Variants in ARHGAP20 observed in about 807,000 individuals in gnomAD.
The protein encoded by ARHGAP20 is Rho GTPase activating protein 20, also known as rho GTPase-activating protein 20.
ARHGAP20 carries 34 observed loss-of-function variants against 73.7 expected under a neutral mutation model. The ratio of observed to expected loss-of-function variants is 0.46; its 90% confidence interval spans 0.35 to 0.61. ARHGAP20 has a LOEUF of 0.61. ARHGAP20 is among the 20% of genes least tolerant of loss of function. The pLI, the probability that ARHGAP20 is intolerant of heterozygous loss-of-function variation, is 0.00. For synonymous variants in ARHGAP20, 523 were observed against 518.2 expected, an observed-to-expected ratio of 1.01 and a Z score of -0.13; for missense variants, 1,314 against 1,420.9, an observed-to-expected ratio of 0.92 and a Z score of 1.21.
chr11:110,630,588 C>G, intron 3 of ARHGAP20, 40 bp downstream of exon 3: 1 of 1,576,226 alleles, frequency 6.3e-7, no homozygotes, highest in Non-Finnish European at 8.6e-7. Flanking sequence ...AGTAAAAGTG[C>G]AATTTTATAA....
intron 4 of ARHGAP20, among the ~76,000 whole-genome samples, chr11:110,616,686 C>CTT (rs58360001): frequency 1.9e-3 from 262 of 140,224 alleles, no homozygotes; most frequent in Admixed American, 3.5e-3. Flanking sequence ...ACATTTTTTT[C>CTT]TTTTTTTTTT....
chr11:110,663,667 A>C (rs1949663016), intron 2 of ARHGAP20, among the ~76,000 whole-genome samples: 2 of 152,102 alleles, frequency 1.3e-5, no homozygotes, highest in Non-Finnish European at 1.5e-5. Flanking sequence ...ATTCTACCAA[A>C]TACTAATGAA....
rs768618391 is a variant in ARHGAP20, at chr11:110,630,585, G to A, written c.353+43C>T. 9.4e-5 allele frequency: 147 copies of A among 1,568,682 alleles called. 1 individual carries two copies. In the Middle Eastern group the frequency reaches 1.2e-3, roughly 13 times the overall value. On this transcript the variant is annotated intron_variant, in intron 3 of 14. Coordinates refer to ENST00000683387, the MANE Select transcript of ARHGAP20 (RefSeq NM_001384657.1). ...AGAAAGGGTATCTTTGTTAGTAAAA[G>A]TGCAATTTTATAATGATAATCAGGA... is the stretch of plus-strand genomic sequence containing the variant.
rs544459720 is a variant in ARHGAP20, at chr11:110,583,226, G to A, written c.1605+322C>T. 2.0e-5 allele frequency among the ~76,000 whole-genome samples: 3 copies of A among 152,186 alleles called. No homozygotes were observed. In the South Asian group the frequency reaches 6.2e-4, roughly 31 times the overall value. On this transcript the variant is annotated intron_variant, in intron 13 of 14. Transcript: ENST00000683387. ...TGCCCAAGACTGTACATCTGGCAAG[G>A]GGTGGAGCTGAGAATGGAAGCTTAG...
At chr11:110,651,769 C>G (rs1419538348) in intron 2 of ARHGAP20, among the ~76,000 whole-genome samples, 1 of 151,710 alleles carries the variant, frequency 6.6e-6, no homozygotes, top group Non-Finnish European at 1.5e-5. Flanking sequence ...AAATAAAACC[C>G]CAGGACTAGA....
intron 2 of ARHGAP20, among the ~76,000 whole-genome samples, chr11:110,656,804 A>G (rs1244635436): frequency 6.6e-6 from 1 of 152,178 alleles, no homozygotes; most frequent in African/African-American, 2.4e-5. Flanking sequence ...GGCCCATGGA[A>G]AAGAACCCGC....
chr11:110,619,352 T>G (rs1180521617), intron 4 of ARHGAP20, among the ~76,000 whole-genome samples: 2 of 149,910 alleles, frequency 1.3e-5, no homozygotes, highest in African/African-American at 2.5e-5. Flanking sequence ...TGATAGAGTA[T>G]ATGTAGTGAT....
intron 1 of ARHGAP20, among the ~76,000 whole-genome samples, chr11:110,710,871 G>T (rs1206016708): frequency 1.3e-5 from 2 of 152,314 alleles, no homozygotes; most frequent in Non-Finnish European, 2.9e-5. Flanking sequence ...GACAAGCAGG[G>T]AACCTGCGTA....
chr11:110,583,740 A>G lies in ARHGAP20; in HGVS notation c.1416-3T>C. The G allele has an allele frequency of 6.5e-7, 1 of 1,543,512 alleles. No homozygotes were observed. Among genetic ancestry groups the G allele is most frequent in the South Asian group, 1.2e-5 (1 of 81,368 alleles). On this transcript the variant is annotated splice_region_variant and splice_polypyrimidine_tract_variant and intron_variant, in intron 12 of 14. Coordinates refer to ENST00000683387, the MANE Select transcript of ARHGAP20 (RefSeq NM_001384657.1). The stretch of plus-strand genomic sequence containing the variant: ...CTCTCGGAAGCTGGTCTAATAGCCT[A>G]AAGACAGAAAAATTACTCTTTAAGC...
intron 9 of ARHGAP20, among the ~76,000 whole-genome samples, chr11:110,601,880 T>A (rs976803066): frequency 4.6e-5 from 7 of 151,804 alleles, no homozygotes; most frequent in Admixed American, 3.3e-4. Context: ...ATCCCAGCTA[T>A]TCGGGAGGCT....
chr11:110,685,733 G>A (rs1223237434), intron 2 of ARHGAP20, among the ~76,000 whole-genome samples: 2 of 152,056 alleles, frequency 1.3e-5, no homozygotes, highest in African/African-American at 4.8e-5. Context: ...TAATTACTAA[G>A]TAACAACTAT....
chr11:110,583,621 A>C lies in ARHGAP20; in HGVS notation c.1532T>G (p.Val511Gly). 2 of 1,613,438 alleles carry C rather than the reference A, an allele frequency of 1.2e-6. No individual in the cohort carries two copies. Among genetic ancestry groups the C allele is most frequent in the Non-Finnish European group, 1.7e-6 (2 of 1,179,582 alleles). The part of the protein sequence containing the change: ...SNQMTAFNLA[V>G]CVAPSILWPP... Reference sequence around the variant, plus strand: ...CCAAAGAATACTTGGAGCGACACACACAGCTAAATTAAATGCAGTCATCTG... The same window carrying C: ...CCAAAGAATACTTGGAGCGACACACCCAGCTAAATTAAATGCAGTCATCTG... Residue 511 changes from valine to glycine, a missense_variant, in exon 13 of 15, where the codon GTG becomes GGG. By Grantham distance (109) the Val-to-Gly change is moderately radical (BLOSUM62 -3). Transcript: ENST00000683387.
At position 110,579,424 on chromosome 11, in the gene ARHGAP20, TGA is replaced by T. The variant is rs1189515738; in HGVS notation, c.3520_3521del (p.Ser1174ArgfsTer9). 1.9e-6 allele frequency: 3 copies of T among 1,612,774 alleles called. No individual in the cohort carries two copies. In the Admixed American group the frequency reaches 5.0e-5, roughly 27 times the overall value. Reference protein sequence around the residue: ...WTLEDATSPDSGPTVVCDIED... With the variant: ...WTLEDATSPDXGPTVVCDIED... ...CAATGTCGCAGACCACTGTAGGCCC[TGA>T]GTCTGGGCTGGTCGCATCCTCTAGA... On this transcript the variant is annotated frameshift_variant, in exon 15 of 15. Transcript: ENST00000683387. LOFTEE classifies it high-confidence loss of function.
chr11:110,578,761 G>C lies in ARHGAP20; in HGVS notation c.*609C>G. On this transcript the variant is annotated 3_prime_UTR_variant, in exon 15 of 15. Coordinates refer to ENST00000683387, the MANE Select transcript of ARHGAP20 (RefSeq NM_001384657.1). ...GTACCCATGGCTTTTGAGTCACTCTGTTTTTCTCCACTCTAGCTGTAGCAA... is the reference window on the plus strand; with the variant it reads ...GTACCCATGGCTTTTGAGTCACTCTCTTTTTCTCCACTCTAGCTGTAGCAA... 1 of 985,416 alleles carries C rather than the reference G, an allele frequency of 1.0e-6. No individual in the cohort carries two copies. Among genetic ancestry groups the C allele is most frequent in the Non-Finnish European group, 1.2e-6 (1 of 829,918 alleles). The allele number at this position is 985,416 out of a possible 1,614,324, so 61.0% of individuals were successfully genotyped here.
chr11:110,690,997 A>T, intron 1 of ARHGAP20: 1 of 1,528,202 alleles, frequency 6.5e-7, no homozygotes, highest in Non-Finnish European at 8.8e-7. Context: ...CCAAAATGTC[A>T]TCCGGGTAGA....
intron 2 of ARHGAP20, among the ~76,000 whole-genome samples, chr11:110,659,880 A>G (rs865828855): frequency 2.0e-5 from 3 of 151,424 alleles, no homozygotes; most frequent in Non-Finnish European, 2.9e-5. Context: ...CAGGAAGGGG[A>G]ATATCACACT....
chr11:110,581,696 C>A (rs964835414), intron 14 of ARHGAP20, among the ~76,000 whole-genome samples: 2 of 152,154 alleles, frequency 1.3e-5, no homozygotes, highest in African/African-American at 2.4e-5. Context: ...AAAAGTTAGA[C>A]ATTATTTTCA....
chr11:110,646,992 T>C (rs1949208123), intron 2 of ARHGAP20, among the ~76,000 whole-genome samples: 1 of 152,138 alleles, frequency 6.6e-6, no homozygotes, highest in Admixed American at 6.5e-5. Flanking sequence ...TTGGCTAAAA[T>C]TTCTTAAATA....
Position 110,578,296 on chromosome 11 carries a change from A to G in ARHGAP20, c.*1074T>C. ...TGGCAGCCACTTTGTTGGGTATTCT[A>G]TTGTGGGACTCCTTATAACCGGCCA... On this transcript the variant is annotated 3_prime_UTR_variant, in exon 15 of 15. Transcript: ENST00000683387. 3 of 985,432 alleles carry G rather than the reference A, an allele frequency of 3.0e-6. No individual in the cohort carries two copies. Among genetic ancestry groups the G allele is most frequent in the African/African-American group, 1.7e-5 (1 of 57,372 alleles). The allele number at this position is 985,432 out of a possible 1,614,324, so 61.0% of individuals were successfully genotyped here.
Sources: gnomAD v4.1 joint callset for allele counts (sites outside exome capture counted in the v4.1 genomes callset) on GRCh38, gnomAD v4.1.1 for gene constraint, MANE v1.5 for transcripts, NCBI Gene and HGNC (gene_info 2026-07-23, HGNC 2026-07-21) for gene names.